The following B3GALNT2 variants were observed in gnomAD, a reference collection of about 807,000 sequenced individuals.
B3GALNT2 encodes UDP-GalNAc:beta-1,3-N-acetylgalactosaminyltransferase 2.
B3GALNT2 carries 53 observed loss-of-function variants against 61.1 expected under a neutral mutation model. The observed-to-expected ratio is 0.87, with a 90% CI of 0.70 to 1.09. B3GALNT2 has a LOEUF of 1.09. Ranked by LOEUF, B3GALNT2 falls within the 50% of genes least tolerant of loss-of-function variation. The pLI, the probability that B3GALNT2 is intolerant of heterozygous loss-of-function variation, is 0.00. For missense variants in B3GALNT2, 544 were observed against 623.0 expected (o/e 0.87, Z 1.35); for synonymous variants, 223 against 237.4 (o/e 0.94, Z 0.56).
At chr1:235,441,833 T>C in the B3GALNT2 span, 5 of 1,613,972 alleles carry the variant, frequency 3.1e-6, no homozygotes, top group East Asian at 2.2e-5. Context: ...CACCTGAAGA[T>C]TGGGAACTCA....
rs1177982667 is a variant in B3GALNT2 at position 235,448,230 on chromosome 1, A to AAAAG, written c.*1975_*1976insCTTT. ...TAAGTAAGTCAGTCTCAAAAAAAAA[A>AAAAG]AAAAAAAAAAGACAGATACAGCTAT... On this transcript the variant is annotated 3_prime_UTR_variant, in exon 12 of 12. Transcript: ENST00000366600. The AAAAG allele has an allele frequency of 1.8e-5, 14 of 784,322 alleles. 1 individual carries two copies. In the African/African-American group the frequency reaches 2.5e-4, roughly 14 times the overall value. The allele number at this position is 784,322 out of a possible 1,614,324, so 48.6% of individuals were successfully genotyped here. A position where few individuals can be genotyped will look rare whatever the true frequency, so the allele number is the denominator to read the frequency against.
intron 4 of B3GALNT2, among the ~76,000 whole-genome samples, chr1:235,482,613 A>T (rs2102840138): frequency 6.6e-6 from 1 of 152,244 alleles, no homozygotes; most frequent in East Asian, 1.9e-4. Flanking sequence ...AAAACAAAAA[A>T]AAAAAATCAA....
At chr1:235,473,875 C>T (rs748507115) in intron 5 of B3GALNT2, among the ~76,000 whole-genome samples, 3 of 152,180 alleles carry the variant, frequency 2.0e-5, no homozygotes, top group South Asian at 2.1e-4. Flanking sequence ...CTGTACTGTC[C>T]ATTCAATTGA....
intron 1 of B3GALNT2, among the ~76,000 whole-genome samples, 181 bp from the exon 2 acceptor site, chr1:235,495,009 T>A (rs1047441013): frequency 6.6e-6 from 1 of 152,204 alleles, no homozygotes; most frequent in African/African-American, 2.4e-5. Context: ...AATAACATTT[T>A]GGTTTAGAGT....
In B3GALNT2 at chr1:235,449,669, A is replaced by G. The variant is rs1265955547; in HGVS notation, c.*537T>C. On this transcript the variant is annotated 3_prime_UTR_variant, in exon 12 of 12. Transcript: ENST00000366600. ...TTCAAGTTGCCCACTTCAGAGATCC[A>G]CAAAATCTGACATTATTTCCAGAAA... The G allele has an allele frequency of 6.6e-6, 1 of 152,596 alleles. No homozygotes were observed. The highest frequency in any genetic ancestry group is 1.9e-4 in the East Asian group (1 of 5,204). The allele number at this position is 152,596 out of a possible 1,614,324, so 9.5% of individuals were successfully genotyped here.
the B3GALNT2 span, among the ~76,000 whole-genome samples, chr1:235,440,195 C>G: frequency 2.6e-5 from 4 of 152,154 alleles, no homozygotes; most frequent in Admixed American, 6.5e-5. Flanking sequence ...TGGTCTCGAT[C>G]TCCTGACCTT....
At chr1:235,490,441 G>A (rs1176253066) in intron 2 of B3GALNT2, among the ~76,000 whole-genome samples, 2 of 152,136 alleles carry the variant, frequency 1.3e-5, no homozygotes, top group Non-Finnish European at 2.9e-5. Context: ...ATGTTGGCCA[G>A]GCTGGTCTCG....
At chr1:235,474,714 A>G in intron 5 of B3GALNT2, among the ~76,000 whole-genome samples, 1 of 151,616 alleles carries the variant, frequency 6.6e-6, no homozygotes, top group East Asian at 1.9e-4. Flanking sequence ...CCAGCTATTC[A>G]GGAGGCTGAG....
rs776132593 is a variant in B3GALNT2 at position 235,480,157 on chromosome 1, T to C, written c.556-8A>G. ...AGCAATGAAGAGGGCCTCCTACAAA[T>C]TGGGAGAAAAAGACAAGAAAAAATA... On this transcript the variant is annotated splice_region_variant and splice_polypyrimidine_tract_variant and intron_variant, in intron 4 of 11. Transcript: ENST00000366600. The C allele has an allele frequency of 7.4e-6, 12 of 1,612,564 alleles. No individual in the cohort carries two copies. Among genetic ancestry groups the C allele is most frequent in the South Asian group, 3.3e-5 (3 of 90,910 alleles).
At chr1:235,499,165 TATC>T (rs1558445664) in intron 1 of B3GALNT2, among the ~76,000 whole-genome samples, 3 of 152,342 alleles carry the variant, frequency 2.0e-5, no homozygotes, top group Middle Eastern at 3.4e-3. Context: ...ATGTTAATCA[TATC>T]ATTAAACATT....
intron 1 of B3GALNT2, among the ~76,000 whole-genome samples, chr1:235,498,389 G>A (rs1318320457): frequency 6.6e-6 from 1 of 152,174 alleles, no homozygotes; most frequent in Admixed American, 6.5e-5. Context: ...CAAATAGCAA[G>A]CCTATGAAAA....
At chr1:235,496,539 A>G (rs1368802249) in intron 1 of B3GALNT2, among the ~76,000 whole-genome samples, 1 of 150,246 alleles carries the variant, frequency 6.7e-6, no homozygotes, top group African/African-American at 2.4e-5. Context: ...TGAGGTAGGT[A>G]CTTGTTTCTT....
intron 4 of B3GALNT2, among the ~76,000 whole-genome samples, chr1:235,480,927 A>C (rs1357648945): frequency 1.4e-5 from 2 of 147,750 alleles, no homozygotes; most frequent in African/African-American, 2.5e-5. Context: ...AAAAAAAAAA[A>C]AAAAAAAAAA....
In B3GALNT2 at chr1:235,448,292, G is replaced by T; in HGVS notation, c.*1914C>A. On this transcript the variant is annotated 3_prime_UTR_variant, in exon 12 of 12. Transcript: ENST00000366600. ...TACTGTGGTCTCATCACATGAGCTAGTTTTACAGGTAACTGTCATTTGAGA... is the reference window on the plus strand; with the variant it reads ...TACTGTGGTCTCATCACATGAGCTATTTTTACAGGTAACTGTCATTTGAGA... The T allele has an allele frequency of 7.1e-7, 1 of 1,400,966 alleles. No homozygotes were observed. Among genetic ancestry groups the T allele is most frequent in the Non-Finnish European group, 1.0e-6 (1 of 988,994 alleles). The allele number at this position is 1,400,966 out of a possible 1,614,324, so 86.8% of individuals were successfully genotyped here. A position where few individuals can be genotyped will look rare whatever the true frequency, so the allele number is the denominator to read the frequency against.
chr1:235,475,018 A>G, intron 5 of B3GALNT2, among the ~76,000 whole-genome samples: 1 of 74,210 alleles, frequency 1.3e-5, no homozygotes, highest in African/African-American at 5.2e-5. Flanking sequence ...TTTGAGACGG[A>G]GTCTCGCTCT....
At chr1:235,462,006 T>C (rs544918722) in intron 7 of B3GALNT2, among the ~76,000 whole-genome samples, 2 of 152,230 alleles carry the variant, frequency 1.3e-5, no homozygotes, top group Admixed American at 1.3e-4. Context: ...TGTGGGCTAA[T>C]GTAAGTGTCC....
chr1:235,498,035 G>A (rs1488953351), intron 1 of B3GALNT2, among the ~76,000 whole-genome samples: 1 of 152,126 alleles, frequency 6.6e-6, no homozygotes, highest in Non-Finnish European at 1.5e-5. Flanking sequence ...ACGGCATATC[G>A]TGGTCTTTTA....
At chr1:235,460,740 ATTTTCAAG>A (rs1683385060) in intron 7 of B3GALNT2, among the ~76,000 whole-genome samples, 5 of 151,670 alleles carry the variant, frequency 3.3e-5, no homozygotes, top group Admixed American at 3.3e-4. Context: ...TACCCAGGAA[ATTTTCAAG>A]TTTTTTGTAG....
At chr1:235,493,608 T>A (rs1220631018) in intron 2 of B3GALNT2, among the ~76,000 whole-genome samples, 1 of 151,910 alleles carries the variant, frequency 6.6e-6, no homozygotes, top group Non-Finnish European at 1.5e-5. Flanking sequence ...TGAAACCCTG[T>A]CCTTACTAAA....
Sources: gnomAD v4.1 joint callset for allele counts (sites outside exome capture counted in the v4.1 genomes callset) on GRCh38, gnomAD v4.1.1 for gene constraint, MANE v1.5 for transcripts, NCBI Gene and HGNC (gene_info 2026-07-23, HGNC 2026-07-21) for gene names.